The following DCDC1 variants were observed in gnomAD, a reference collection of about 807,000 sequenced individuals.
The protein encoded by DCDC1 is doublecortin domain containing 1, also known as doublecortin domain-containing protein 1.
A neutral mutation model predicts 178.3 loss-of-function variants in DCDC1; 200 were observed. The observed-to-expected ratio is 1.12, with a 90% CI of 1.00 to 1.26. The LOEUF (loss-of-function observed/expected upper bound fraction) is 1.26. Ranked by LOEUF, DCDC1 falls within the 50% of genes most tolerant of loss-of-function variation. The pLI, the probability that DCDC1 is intolerant of heterozygous loss-of-function variation, is 0.00. For missense variants in DCDC1, 1,983 were observed against 1,749.2 expected, an observed-to-expected ratio of 1.13 and a Z score of -2.38; for synonymous variants, 690 against 604.8, an observed-to-expected ratio of 1.14 and a Z score of -2.07.
rs556192346 is a variant in DCDC1 at position 30,915,543 on chromosome 11, A to T, written c.3621T>A (p.Ser1207Arg). 2 of 1,613,930 alleles carry T rather than the reference A, an allele frequency of 1.2e-6. No homozygotes were observed. Among genetic ancestry groups the T allele is most frequent in the Non-Finnish European group, 1.7e-6 (2 of 1,179,844 alleles). Residue 1207 changes from serine to arginine, a missense_variant, in exon 27 of 39, where the codon AGT becomes AGA. Ser to Arg is a moderately radical substitution (Grantham distance 110). Coordinates refer to ENST00000684477, the MANE Select transcript of DCDC1 (RefSeq NM_001387274.1). ...CTTCCTGGTGTATCCAGCGCTGATG[A>T]CTACCATCAGATTTCTTCTCCACCA... ...VVLVEKKSDG[S>R]HQRWIHQEDS...
intron 18 of DCDC1, among the ~76,000 whole-genome samples, chr11:31,069,479 T>C (rs533175585): frequency 2.0e-4 from 30 of 152,328 alleles, no homozygotes; most frequent in Non-Finnish European, 4.1e-4. Flanking sequence ...TTATTTCATA[T>C]TGGTTCTGCT....
chr11:31,135,122 C>T (rs1962966832), intron 10 of DCDC1, among the ~76,000 whole-genome samples: 3 of 152,198 alleles, frequency 2.0e-5, no homozygotes, highest in South Asian at 4.1e-4. Context: ...TGAAATGAAA[C>T]AAGATTTTAA....
chr11:31,335,119 T>C (rs1950205807), intron 2 of DCDC1, among the ~76,000 whole-genome samples: 1 of 152,106 alleles, frequency 6.6e-6, no homozygotes, highest in Non-Finnish European at 1.5e-5. Flanking sequence ...TGGATACCCC[T>C]CCTCCTGCCA....
chr11:31,245,584 T>C (rs576938837), intron 8 of DCDC1, among the ~76,000 whole-genome samples: 206 of 151,780 alleles, frequency 1.4e-3, no homozygotes, highest in African/African-American at 4.7e-3. Context: ...AAAATAAATA[T>C]AAAAAGAAAG....
At position 31,328,072 on chromosome 11, in the gene DCDC1, A is replaced by T. The variant is rs2137861509; in HGVS notation, c.164+45T>A. 3 of 1,533,256 alleles carry T rather than the reference A, an allele frequency of 2.0e-6. No individual in the cohort carries two copies. In the Middle Eastern group the frequency reaches 6.1e-4, roughly 313 times the overall value. 95.0% of individuals were successfully genotyped at this position (1,533,256 alleles called of 1,614,324 possible). A position where few individuals can be genotyped will look rare whatever the true frequency, so the allele number is the denominator to read the frequency against. On this transcript the variant is annotated intron_variant, in intron 3 of 38. Coordinates refer to ENST00000684477, the MANE Select transcript of DCDC1 (RefSeq NM_001387274.1). The stretch of plus-strand genomic sequence containing the variant: ...TAAACTACTTTCTATAAACACTTTT[A>T]TCCCCTTCAGTATTTAGTTTAAGCT...
At position 31,073,387 on chromosome 11, in the gene DCDC1, GA is replaced by G. The variant is rs78332890; in HGVS notation, c.2298+4477del. Among the ~76,000 whole-genome samples, 18 of 151,874 alleles carry G rather than the reference GA, an allele frequency of 1.2e-4. No individual in the cohort carries two copies. The South Asian group carries it at 2.5e-3, about 21-fold the overall frequency. On this transcript the variant is annotated intron_variant, in intron 18 of 38. Transcript: ENST00000684477. The stretch of plus-strand genomic sequence containing the variant: ...GGATATGAAGGCACCTAAATTTGGG[GA>G]AAAAAAATGAGAAAGTACACTTAAA...
chr11:31,327,360 G>T lies in DCDC1; in HGVS notation c.164+757C>A, dbSNP rs989138209. 7.9e-5 allele frequency among the ~76,000 whole-genome samples: 12 copies of T among 152,108 alleles called. No individual in the cohort carries two copies. In the East Asian group the frequency reaches 2.3e-3, roughly 30 times the overall value. ...ATTTTTTGTATTTTCAGTAGAGATG[G>T]GGTTTCACCATGTTGGTCAGGCTGG... On this transcript the variant is annotated intron_variant, in intron 3 of 38. Coordinates refer to ENST00000684477, the MANE Select transcript of DCDC1 (RefSeq NM_001387274.1).
At chr11:31,248,684 G>A (rs1943751133) in intron 8 of DCDC1, among the ~76,000 whole-genome samples, 1 of 152,048 alleles carries the variant, frequency 6.6e-6, no homozygotes, top group Non-Finnish European at 1.5e-5. Context: ...TACTTTAAAT[G>A]TGACAGACTA....
intron 9 of DCDC1, among the ~76,000 whole-genome samples, chr11:31,173,688 T>C (rs1467447302): frequency 6.6e-6 from 1 of 151,846 alleles, no homozygotes; most frequent in African/African-American, 2.4e-5. Context: ...AAATATGAAA[T>C]TACTACAATC....
In DCDC1 at chr11:30,978,779, A is replaced by AACAC. The variant is rs56058117; in HGVS notation, c.2592-26215_2592-26212dup. On this transcript the variant is annotated intron_variant, in intron 20 of 38. Transcript: ENST00000684477. ...TTCTTCATCCTCCCAGTCCCCCCTC[A>AACAC]ACACACACACACACACACACACACA... Among the ~76,000 whole-genome samples, 873 of 118,970 alleles carry AACAC rather than the reference A, an allele frequency of 7.3e-3. 6 individuals carry two copies. Among genetic ancestry groups the AACAC allele is most frequent in the Middle Eastern group, 0.017 (4 of 232 alleles). 78.0% of individuals were successfully genotyped at this position (118,970 alleles called of 152,430 possible).
At chr11:31,052,815 C>G (rs1955346459) in intron 20 of DCDC1, among the ~76,000 whole-genome samples, 1 of 152,032 alleles carries the variant, frequency 6.6e-6, no homozygotes, top group Non-Finnish European at 1.5e-5. Flanking sequence ...CTATTAAAAC[C>G]TCTGGGATAC....
At chr11:31,213,581 G>A (rs145129013) in intron 9 of DCDC1, among the ~76,000 whole-genome samples, 2,115 of 151,872 alleles carry the variant, frequency 0.014, 58 homozygotes, top group African/African-American at 0.046. Flanking sequence ...TTAGCCAGGC[G>A]TGGTGGCGGG....
chr11:31,332,126 G>C (rs1224766737), intron 2 of DCDC1, among the ~76,000 whole-genome samples: 2 of 152,158 alleles, frequency 1.3e-5, no homozygotes, highest in African/African-American at 4.8e-5. Flanking sequence ...ATGTATCCAG[G>C]AATTTATGCA....
intron 36 of DCDC1, among the ~76,000 whole-genome samples, chr11:30,888,075 AG>A (rs1565029235): frequency 5.0e-5 from 6 of 120,678 alleles, no homozygotes; most frequent in Non-Finnish European, 9.1e-5. Flanking sequence ...AGAGAGAGAG[AG>A]AGAGAGAGAA....
chr11:31,323,053 AC>A (rs1565608187), intron 3 of DCDC1, among the ~76,000 whole-genome samples: 1 of 149,836 alleles, frequency 6.7e-6, no homozygotes, highest in Non-Finnish European at 1.5e-5. Context: ...TAAAAATTCT[AC>A]TTTTATTTAA....
chr11:31,008,429 A>C (rs1050908900), intron 20 of DCDC1, among the ~76,000 whole-genome samples: 3 of 152,132 alleles, frequency 2.0e-5, no homozygotes, highest in African/African-American at 7.2e-5. Flanking sequence ...AGAGATGGAA[A>C]AGAGGGATGG....
intron 20 of DCDC1, among the ~76,000 whole-genome samples, chr11:30,968,460 G>C (rs1182633768): frequency 6.6e-6 from 1 of 151,826 alleles, no homozygotes; most frequent in Non-Finnish European, 1.5e-5. Context: ...TGTTGAAAGA[G>C]AGAGAAAAAG....
At chr11:31,300,258 G>A (rs1948008927) in intron 6 of DCDC1, among the ~76,000 whole-genome samples, 1 of 152,190 alleles carries the variant, frequency 6.6e-6, no homozygotes, top group African/African-American at 2.4e-5. Flanking sequence ...TCCTGGCAGT[G>A]ATGAAGAAAG....
At chr11:31,251,918 A>C (rs1038752252) in intron 8 of DCDC1, among the ~76,000 whole-genome samples, 2 of 152,170 alleles carry the variant, frequency 1.3e-5, no homozygotes, top group African/African-American at 4.8e-5. Flanking sequence ...CAGTAATACT[A>C]AGTAAAGATA....
Sources: gnomAD v4.1 joint callset for allele counts (sites outside exome capture counted in the v4.1 genomes callset) on GRCh38, gnomAD v4.1.1 for gene constraint, MANE v1.5 for transcripts, NCBI Gene and HGNC (gene_info 2026-07-23, HGNC 2026-07-21) for gene names.